ENTPD5: variants seen among roughly 807,000 people sequenced by gnomAD.
The protein encoded by ENTPD5 is ectonucleoside triphosphate diphosphohydrolase 5 (inactive).
A neutral mutation model predicts 60.2 loss-of-function variants in ENTPD5; 49 were observed. That is an observed-to-expected ratio of 0.81 (90% CI 0.65 to 1.03). The LOEUF is 1.03. Among genes scored for constraint, ENTPD5 ranks in the 50% least tolerant of loss-of-function variants. The probability of loss-of-function intolerance (pLI) is 0.00; values close to 1 mark genes in which losing one functional copy is unlikely to be tolerated. For synonymous variants in ENTPD5, 187 were observed against 185.4 expected, an observed-to-expected ratio of 1.01 and a Z score of -0.07; for missense variants, 480 against 507.6, an observed-to-expected ratio of 0.95 and a Z score of 0.52.
rs528712110 is a variant in ENTPD5, at chr14:73,996,211, C to T, written c.-70-8039G>A. 7.2e-5 allele frequency: 71 copies of T among 985,246 alleles called. No homozygotes were observed. The East Asian group carries it at 4.9e-3, about 68-fold the overall frequency. The allele number at this position is 985,246 out of a possible 1,614,324, so 61.0% of individuals were successfully genotyped here. A position where few individuals can be genotyped will look rare whatever the true frequency, so the allele number is the denominator to read the frequency against. On this transcript the variant is annotated intron_variant, in intron 3 of 15. Transcript: ENST00000334696. ...TCTTAATCAAGCGAGCCTCATGAACCGCATTCACCTTTGTGCCAGTTTGCA... is the reference window on the plus strand; with the variant it reads ...TCTTAATCAAGCGAGCCTCATGAACTGCATTCACCTTTGTGCCAGTTTGCA...
intron 3 of ENTPD5, among the ~76,000 whole-genome samples, chr14:73,989,555 C>A (rs2058048855): frequency 6.6e-6 from 1 of 150,532 alleles, no homozygotes. Flanking sequence ...AAAATTAGGC[C>A]AGGCGCGGTG....
In ENTPD5 at chr14:73,970,080, C is replaced by T; in HGVS notation, c.1130G>A (p.Cys377Tyr). The change falls in exon 15 of 16, where the codon TGC becomes TAC. Residue 377 changes from cysteine to tyrosine, a missense_variant. Coordinates refer to ENST00000334696, the MANE Select transcript of ENTPD5 (RefSeq NM_001249.5). ...GGCTGTGATGTAGCTGAGATCCATG[C>T]ACAGGAAAGGACTGCCTGAGGTGAA... ...ENFTSGSPFL[C>Y]MDLSYITALL... 1 of 1,613,944 alleles carries T rather than the reference C, an allele frequency of 6.2e-7. No homozygotes were observed. The highest frequency in any genetic ancestry group is 2.2e-5 in the East Asian group (1 of 44,880).
At chr14:73,989,818 G>C (rs890889175) in intron 3 of ENTPD5, among the ~76,000 whole-genome samples, 4 of 118,068 alleles carry the variant, frequency 3.4e-5, no homozygotes, top group African/African-American at 1.3e-4. Context: ...GGGCGACACA[G>C]CAAGACTCAG....
At chr14:73,958,371 A>C (rs764525253), downstream of ENTPD5, 3 of 1,591,412 alleles carry the variant, frequency 1.9e-6, no homozygotes, top group South Asian at 3.4e-5. Flanking sequence ...GCTATAGTTT[A>C]ATTTTAGGCA....
chr14:73,973,818 G>T, intron 12 of ENTPD5, 59 bp downstream of exon 12: 2 of 1,468,654 alleles, frequency 1.4e-6, no homozygotes, highest in South Asian at 1.1e-5. Flanking sequence ...TTTCCCATGG[G>T]ACTTTTCCAG....
At chr14:73,989,693 C>A (rs1249328205) in intron 3 of ENTPD5, among the ~76,000 whole-genome samples, 1 of 152,134 alleles carries the variant, frequency 6.6e-6, no homozygotes, top group East Asian at 1.9e-4. Flanking sequence ...ATTAGCTGGG[C>A]ATGATGGCGG....
At chr14:74,010,617 T>C (rs1196594240) in intron 3 of ENTPD5, among the ~76,000 whole-genome samples, 1 of 152,138 alleles carries the variant, frequency 6.6e-6, no homozygotes, top group Non-Finnish European at 1.5e-5. Flanking sequence ...GGAAAACCAC[T>C]TTTATTTATA....
At chr14:73,982,276 T>A (rs2057722909) in intron 6 of ENTPD5, among the ~76,000 whole-genome samples, 1 of 152,072 alleles carries the variant, frequency 6.6e-6, no homozygotes. Flanking sequence ...GGTTTCACCA[T>A]GTTAGCCAGG....
intron 3 of ENTPD5, among the ~76,000 whole-genome samples, chr14:74,006,449 A>G (rs576008321): frequency 1.3e-5 from 2 of 151,556 alleles, no homozygotes; most frequent in African/African-American, 4.8e-5. Flanking sequence ...ACGCCCGGCT[A>G]ATTTTTTGTA....
chr14:73,984,441 A>G (rs1418676009), intron 5 of ENTPD5, among the ~76,000 whole-genome samples: 2 of 152,196 alleles, frequency 1.3e-5, no homozygotes, highest in Admixed American at 1.3e-4. Flanking sequence ...CATACTTTTG[A>G]TGATCTCCTA....
intron 3 of ENTPD5, among the ~76,000 whole-genome samples, chr14:73,994,501 G>A (rs947079621): frequency 2.0e-5 from 3 of 151,714 alleles, no homozygotes; most frequent in South Asian, 2.1e-4. Flanking sequence ...TTGGGAGGCC[G>A]AGGTGGGTGG....
intron 3 of ENTPD5, among the ~76,000 whole-genome samples, chr14:74,001,054 G>A (rs73301479): frequency 0.079 from 11,968 of 151,962 alleles, 626 homozygotes; most frequent in South Asian, 0.26. Context: ...GACCCTATCC[G>A]TATAAAAATT....
rs972805650 is a variant in ENTPD5, at chr14:73,974,096, T to C, written c.785-118A>G. 3.9e-5 allele frequency: 29 copies of C among 742,036 alleles called. No individual in the cohort carries two copies. The East Asian group carries it at 5.7e-4, about 14-fold the overall frequency. 46.0% of individuals were successfully genotyped at this position (742,036 alleles called of 1,614,324 possible). A position where few individuals can be genotyped will look rare whatever the true frequency, so the allele number is the denominator to read the frequency against. On this transcript the variant is annotated intron_variant, in intron 11 of 15. Coordinates refer to ENST00000334696, the MANE Select transcript of ENTPD5 (RefSeq NM_001249.5). ...ATGGGGGCTGGGCCTTAAAATCCTATGAAATTAATTCCATGACAACATCCT... is the reference window on the plus strand; with the variant it reads ...ATGGGGGCTGGGCCTTAAAATCCTACGAAATTAATTCCATGACAACATCCT...
chr14:74,004,364 C>T (rs1254640463), intron 3 of ENTPD5, among the ~76,000 whole-genome samples: 3 of 152,076 alleles, frequency 2.0e-5, no homozygotes, highest in African/African-American at 4.8e-5. Flanking sequence ...GACGGGGTTT[C>T]GCCATATTGG....
chr14:73,991,403 C>A (rs1036300402), intron 3 of ENTPD5, among the ~76,000 whole-genome samples: 1 of 151,950 alleles, frequency 6.6e-6, no homozygotes, highest in Admixed American at 6.6e-5. Context: ...GCCTGGCCAA[C>A]GTGGTGAAAC....
At chr14:73,961,763 G>A, downstream of ENTPD5, 1 of 1,614,176 alleles carries the variant, frequency 6.2e-7, no homozygotes. Flanking sequence ...CACAGGTTAT[G>A]AAACAGAAAG....
Position 73,976,350 on chromosome 14 carries a change from G to T in ENTPD5, c.616C>A (p.Gln206Lys), listed in dbSNP as rs748853982. Residue 206 changes from glutamine to lysine, a missense_variant, in exon 9 of 16, where the codon CAA becomes AAA. Transcript: ENST00000334696. The stretch of plus-strand genomic sequence containing the variant: ...TCAAACTGGGGCAGGAACGTGATTT[G>T]GGTGGAGGCTCCCCCTAGGTCCAAG... ...GTLDLGGAST[Q>K]ITFLPQFEKT... 6.2e-7 allele frequency: 1 copy of T among 1,614,132 alleles called. No homozygotes were observed. Among genetic ancestry groups the T allele is most frequent in the East Asian group, 2.2e-5 (1 of 44,884 alleles).
At chr14:74,009,793 A>AT (rs35225003) in intron 3 of ENTPD5, among the ~76,000 whole-genome samples, 23,914 of 149,394 alleles carry the variant, frequency 0.16, 2,048 homozygotes, top group Admixed American at 0.21. Context: ...CATGTTTTCG[A>AT]TTTTTTTTTT....
intron 2 of ENTPD5, 56 bp downstream of exon 2, chr14:74,015,768 C>G (rs943937082): frequency 6.6e-6 from 1 of 152,006 alleles, no homozygotes; most frequent in Non-Finnish European, 1.5e-5. Context: ...AAAAGAAAAC[C>G]ACCATTCAGG....
Sources: allele counts gnomAD v4.1 joint callset (sites outside exome capture counted in the v4.1 genomes callset), GRCh38; gene constraint gnomAD v4.1.1; transcripts MANE v1.5; gene names NCBI Gene and HGNC (gene_info 2026-07-23, HGNC 2026-07-21).